The following TRIM14 variants were observed in gnomAD, a reference collection of about 807,000 sequenced individuals.
TRIM14 encodes tripartite motif-containing protein 14.
TRIM14 carries 28 observed loss-of-function variants against 44.5 expected under a neutral mutation model. The ratio of observed to expected loss-of-function variants is 0.63; its 90% CI spans 0.47 to 0.86. The LOEUF is 0.86. Among genes scored for constraint, TRIM14 ranks in the 40% least tolerant of loss-of-function variants. The pLI is 0.00. For missense variants in TRIM14, 607 were observed against 611.1 expected, an observed-to-expected ratio of 0.99 and a Z score of 0.07; for synonymous variants, 299 against 269.2, an observed-to-expected ratio of 1.11 and a Z score of -1.08.
chr9:98,063,677 G>T, the TRIM14 span, among the ~76,000 whole-genome samples: 1 of 152,096 alleles, frequency 6.6e-6, no homozygotes, highest in Admixed American at 6.6e-5. Context: ...GAGTAGCTGG[G>T]ACTACAGGCA....
At chr9:98,064,028 T>G in the TRIM14 span, among the ~76,000 whole-genome samples, 1 of 152,182 alleles carries the variant, frequency 6.6e-6, no homozygotes, top group African/African-American at 2.4e-5. Context: ...CTGTGCCACT[T>G]TTCCAGTTCT....
chr9:98,108,627 T>C (rs1042397350), intron 2 of TRIM14, among the ~76,000 whole-genome samples: 1 of 151,906 alleles, frequency 6.6e-6, no homozygotes, highest in Non-Finnish European at 1.5e-5. Context: ...AATCCTTTGG[T>C]ACTGTCTATC....
chr9:98,114,115 G>A (rs1826958672), intron 1 of TRIM14, among the ~76,000 whole-genome samples: 1 of 152,182 alleles, frequency 6.6e-6, no homozygotes, highest in Non-Finnish European at 1.5e-5. Context: ...AATAAGAAAT[G>A]ATGTTTAACT....
chr9:98,065,657 CT>C (rs1189116502), downstream of TRIM14, among the ~76,000 whole-genome samples: 1 of 150,556 alleles, frequency 6.6e-6, no homozygotes, highest in African/African-American at 2.4e-5. Flanking sequence ...TTTTTTCCCC[CT>C]GGAGACAGAA....
the TRIM14 span, among the ~76,000 whole-genome samples, chr9:98,059,536 T>C: frequency 6.6e-6 from 1 of 152,154 alleles, no homozygotes; most frequent in Non-Finnish European, 1.5e-5. Flanking sequence ...CCCCTCAGCC[T>C]CCTGAGTAGC....
chr9:98,057,292 C>G, the TRIM14 span, among the ~76,000 whole-genome samples: 2 of 152,210 alleles, frequency 1.3e-5, no homozygotes, highest in African/African-American at 4.8e-5. Context: ...ACATAGCCTT[C>G]AAGATTTTAA....
At chr9:98,075,684 G>A (rs1366390446) in intron 6 of TRIM14, 1 of 151,994 alleles carries the variant, frequency 6.6e-6, no homozygotes, top group Non-Finnish European at 1.5e-5. Flanking sequence ...TTCGACTTTT[G>A]ATTTCCAACT....
At chr9:98,083,787 G>C (rs1245400809), downstream of TRIM14, among the ~76,000 whole-genome samples, 2 of 152,232 alleles carry the variant, frequency 1.3e-5, no homozygotes, top group East Asian at 3.9e-4. Flanking sequence ...ATGTGAGCCA[G>C]GCGTGCTTGT....
chr9:98,094,786 G>A (rs1826121042), intron 4 of TRIM14, 81 bp downstream of exon 4: 2 of 1,493,454 alleles, frequency 1.3e-6, no homozygotes, highest in Admixed American at 1.8e-5. Flanking sequence ...CAGGATGTAG[G>A]GAGATGATCT....
chr9:98,115,298 G>A (rs1307622530), intron 1 of TRIM14, among the ~76,000 whole-genome samples: 1 of 152,062 alleles, frequency 6.6e-6, no homozygotes, highest in Admixed American at 6.5e-5. Context: ...TGCCCAGGCT[G>A]GAGTGCAGTG....
chr9:98,036,989 T>C, the TRIM14 span, among the ~76,000 whole-genome samples: 4 of 152,262 alleles, frequency 2.6e-5, no homozygotes, highest in South Asian at 8.3e-4. Flanking sequence ...GGTTCAGTGC[T>C]GGGAAGGTAC....
In TRIM14 at chr9:98,087,173, C is replaced by T. The variant is rs1013979573; in HGVS notation, c.*297G>A. On this transcript the variant is annotated 3_prime_UTR_variant, in exon 6 of 6. Coordinates refer to ENST00000341469, the MANE Select transcript of TRIM14 (RefSeq NM_014788.4). ...GATGATGTATTCAGGATGCTGAGGG[C>T]TTACCTGTGGGGGTATCACTTTGAA... The T allele has an allele frequency of 1.5e-6, 1 of 686,054 alleles. No individual in the cohort carries two copies. Among genetic ancestry groups the T allele is most frequent in the Non-Finnish European group, 2.8e-6 (1 of 360,862 alleles). The allele number at this position is 686,054 out of a possible 1,614,324, so 42.5% of individuals were successfully genotyped here. A position where few individuals can be genotyped will look rare whatever the true frequency, so the allele number is the denominator to read the frequency against.
At chr9:98,065,269 A>G (rs1226187974), downstream of TRIM14, among the ~76,000 whole-genome samples, 3 of 150,598 alleles carry the variant, frequency 2.0e-5, no homozygotes, top group Non-Finnish European at 4.4e-5. Flanking sequence ...CTTCTGGTGA[A>G]ATAATATTAT....
downstream of TRIM14, among the ~76,000 whole-genome samples, chr9:98,066,842 G>A (rs531383636): frequency 7.9e-4 from 120 of 152,136 alleles, no homozygotes; most frequent in Middle Eastern, 6.8e-3. Flanking sequence ...GTGGAGACAG[G>A]GTTTCACCAT....
At chr9:98,057,221 C>T in the TRIM14 span, among the ~76,000 whole-genome samples, 1 of 152,238 alleles carries the variant, frequency 6.6e-6, no homozygotes, top group Non-Finnish European at 1.5e-5. Context: ...ATCAGACCAT[C>T]CCCCCTGCCT....
the TRIM14 span, among the ~76,000 whole-genome samples, chr9:98,046,714 C>T: frequency 3.9e-5 from 6 of 152,150 alleles, no homozygotes; most frequent in African/African-American, 1.4e-4. Context: ...GCTGGGATTA[C>T]AGGCGTGAGC....
intron 2 of TRIM14, among the ~76,000 whole-genome samples, chr9:98,102,403 C>G (rs903464213): frequency 6.6e-6 from 1 of 152,160 alleles, no homozygotes; most frequent in Non-Finnish European, 1.5e-5. Flanking sequence ...CAGTTGTTAA[C>G]CATGACATAT....
chr9:98,050,771 A>G, the TRIM14 span, among the ~76,000 whole-genome samples: 1 of 151,998 alleles, frequency 6.6e-6, no homozygotes, highest in Non-Finnish European at 1.5e-5. Flanking sequence ...TGGTGTCCTC[A>G]TGGTTGCACA....
chr9:98,057,903 T>G, the TRIM14 span, among the ~76,000 whole-genome samples: 1 of 26,924 alleles, frequency 3.7e-5, no homozygotes, highest in Non-Finnish European at 6.1e-5. Context: ...TCTCTTACTG[T>G]TTTTTTTTTT....
Sources: allele counts gnomAD v4.1 joint callset (sites outside exome capture counted in the v4.1 genomes callset), GRCh38; gene constraint gnomAD v4.1.1; transcripts MANE v1.5; gene names NCBI Gene and HGNC (gene_info 2026-07-23, HGNC 2026-07-21).